Variants in CTNNA2 observed in about 807,000 individuals in gnomAD.
CTNNA2 encodes the protein catenin alpha-2.
A neutral mutation model predicts 101.0 loss-of-function variants in CTNNA2; 42 were observed. The observed-to-expected ratio is 0.42, with a 90% CI of 0.32 to 0.54. The LOEUF (loss-of-function observed/expected upper bound fraction) is 0.54, where lower values mean the gene tolerates loss of function less well. Ranked by LOEUF, CTNNA2 falls within the 20% of genes least tolerant of loss-of-function variation. CTNNA2 has a pLI of 0.14. For missense variants in CTNNA2, 871 were observed against 1,223.1 expected (o/e 0.71, Z 4.29); for synonymous variants, 450 against 456.4 (o/e 0.99, Z 0.18).
At position 80,540,203 on chromosome 2, in the gene CTNNA2, G is replaced by T. The variant is rs112419460; in HGVS notation, c.1291-4779G>T. ...CCCTTTATCATGAGAAACTGACCAT[G>T]TAGGAGAAAATATTAGCTTTGAAAA... is the stretch of plus-strand genomic sequence containing the variant. On this transcript the variant is annotated intron_variant, in intron 9 of 18. Coordinates refer to ENST00000402739, the MANE Select transcript of CTNNA2 (RefSeq NM_001282597.3). 9.8e-4 allele frequency among the ~76,000 whole-genome samples: 149 copies of T among 152,208 alleles called. 1 individual carries two copies. The highest frequency in any genetic ancestry group is 1.9e-3 in the Non-Finnish European group (130 of 68,002).
intron 2 of CTNNA2, among the ~76,000 whole-genome samples, chr2:79,732,815 C>G (rs549522065): frequency 1.6e-4 from 24 of 152,080 alleles, no homozygotes; most frequent in Non-Finnish European, 3.4e-4. Context: ...AGGGAAACTT[C>G]AGGAAGTTAG....
At chr2:80,314,318 G>C (rs1677889607) in intron 7 of CTNNA2, among the ~76,000 whole-genome samples, 1 of 152,198 alleles carries the variant, frequency 6.6e-6, no homozygotes, top group Non-Finnish European at 1.5e-5. Context: ...ACTGAATTTT[G>C]TTAGTGAGCA....
chr2:80,423,954 C>G (rs1300698884), intron 9 of CTNNA2, among the ~76,000 whole-genome samples: 1 of 151,904 alleles, frequency 6.6e-6, no homozygotes, highest in Non-Finnish European at 1.5e-5. Context: ...AAACTGTCAG[C>G]AAACGTTCTT....
chr2:79,401,236 C>T (rs1019349984), intron 4 of CTNNA2, among the ~76,000 whole-genome samples: 7 of 151,398 alleles, frequency 4.6e-5, no homozygotes, highest in African/African-American at 1.5e-4. Context: ...ATCTCATGTA[C>T]CCCATAAATA....
intron 1 of CTNNA2, among the ~76,000 whole-genome samples, chr2:79,516,671 C>T (rs1671823787): frequency 6.6e-6 from 1 of 152,120 alleles, no homozygotes; most frequent in Non-Finnish European, 1.5e-5. Context: ...AGTTTCAGTT[C>T]TTTATCTCAC....
chr2:79,884,721 C>A (rs1019877826), intron 6 of CTNNA2, among the ~76,000 whole-genome samples: 2 of 149,780 alleles, frequency 1.3e-5, no homozygotes, highest in African/African-American at 4.9e-5. Context: ...CTTACATTTT[C>A]TTCCCTTTTT....
At chr2:80,375,904 C>T (rs1384531288) in intron 7 of CTNNA2, among the ~76,000 whole-genome samples, 1 of 152,072 alleles carries the variant, frequency 6.6e-6, no homozygotes, top group Non-Finnish European at 1.5e-5. Context: ...GGACTTTTTA[C>T]TCACTTTTGA....
At chr2:79,461,913 C>A (rs1200178287) in intron 4 of CTNNA2, among the ~76,000 whole-genome samples, 1 of 151,546 alleles carries the variant, frequency 6.6e-6, no homozygotes, top group African/African-American at 2.4e-5. Flanking sequence ...CTAGATAGAG[C>A]AAAGTCAGTA....
chr2:80,639,513 ATGTGTG>A (rs112045877), intron 18 of CTNNA2, among the ~76,000 whole-genome samples: 70 of 147,518 alleles, frequency 4.7e-4, no homozygotes, highest in East Asian at 4.1e-3. Flanking sequence ...CCCAGCCTTG[ATGTGTG>A]TGTGTGTGTG....
intron 4 of CTNNA2, among the ~76,000 whole-genome samples, chr2:79,479,922 C>CA (rs559228181): frequency 4.6e-4 from 67 of 144,336 alleles, no homozygotes; most frequent in Middle Eastern, 3.5e-3. Flanking sequence ...GACTCCATCT[C>CA]AAAAAAAAAA....
intron 9 of CTNNA2, among the ~76,000 whole-genome samples, chr2:80,520,715 A>G (rs1573114095): frequency 6.6e-6 from 1 of 152,108 alleles, no homozygotes; most frequent in African/African-American, 2.4e-5. Context: ...TCTAAATATC[A>G]TCACATTGGA....
chr2:79,255,795 T>C (rs887803847), intron 2 of CTNNA2, among the ~76,000 whole-genome samples: 1 of 152,204 alleles, frequency 6.6e-6, no homozygotes, highest in East Asian at 1.9e-4. Flanking sequence ...AATATGGGAT[T>C]TGACAATTGA....
At position 79,865,970 on chromosome 2, in the gene CTNNA2, CG is replaced by C. The variant is rs557861450; in HGVS notation, c.466-3844del. Among the ~76,000 whole-genome samples the C allele has an allele frequency of 1.6e-4, 25 of 152,336 alleles. No homozygotes were observed. In the South Asian group the frequency reaches 5.2e-3, roughly 32 times the overall value. On this transcript the variant is annotated intron_variant, in intron 4 of 18. Transcript: ENST00000402739. Reference sequence around the variant, plus strand: ...TCCTGACCTCGTGATCCGCCCGCCTCGGCCTCCCGAAGTGCTGGGATTACAG... The same window carrying C: ...TCCTGACCTCGTGATCCGCCCGCCTCGCCTCCCGAAGTGCTGGGATTACAG...
chr2:80,317,638 T>C (rs1357277923), intron 7 of CTNNA2, among the ~76,000 whole-genome samples: 1 of 152,178 alleles, frequency 6.6e-6, no homozygotes, highest in Non-Finnish European at 1.5e-5. Flanking sequence ...TTCCCACTCC[T>C]CTCGGCCCCC....
intron 9 of CTNNA2, among the ~76,000 whole-genome samples, chr2:80,522,900 T>C (rs919969889): frequency 1.3e-5 from 2 of 152,196 alleles, no homozygotes; most frequent in African/African-American, 4.8e-5. Flanking sequence ...CAATATGTCA[T>C]TAGCTGATAG....
intron 1 of CTNNA2, among the ~76,000 whole-genome samples, chr2:79,538,739 A>G (rs1006886996): frequency 1.3e-5 from 2 of 152,194 alleles, no homozygotes; most frequent in Admixed American, 6.5e-5. Context: ...GAAGGCTGGG[A>G]ACAGATTTTA....
chr2:80,231,121 ACTACCATCCCCCG>A (rs1325849361), intron 7 of CTNNA2, among the ~76,000 whole-genome samples: 1 of 151,950 alleles, frequency 6.6e-6, no homozygotes, highest in Non-Finnish European at 1.5e-5. Context: ...ACAGGCATGC[ACTACCATCCCCCG>A]CTAATTTTTT....
chr2:80,596,395 C>T (rs1430253974), intron 15 of CTNNA2, among the ~76,000 whole-genome samples: 1 of 141,476 alleles, frequency 7.1e-6, no homozygotes, highest in Non-Finnish European at 1.5e-5. Context: ...CTGCAAGCTC[C>T]ACCTCCCGGG....
At chr2:80,631,438 T>G (rs1039670187) in intron 18 of CTNNA2, among the ~76,000 whole-genome samples, 1 of 151,964 alleles carries the variant, frequency 6.6e-6, no homozygotes, top group Non-Finnish European at 1.5e-5. Flanking sequence ...AATCTGTTGT[T>G]TTGAAAGTTT....
Sources: gnomAD v4.1 joint callset for allele counts (sites outside exome capture counted in the v4.1 genomes callset) on GRCh38, gnomAD v4.1.1 for gene constraint, MANE v1.5 for transcripts, NCBI Gene and HGNC (gene_info 2026-07-23, HGNC 2026-07-21) for gene names.